Variants in SSBP3 observed in about 807,000 individuals in gnomAD.
SSBP3 encodes the protein single-stranded DNA-binding protein 3.
A neutral mutation model predicts 69.6 loss-of-function variants in SSBP3; 5 were observed. That is an observed-to-expected ratio of 0.07 (90% CI 0.04 to 0.15). The LOEUF is 0.15. Ranked by LOEUF, SSBP3 falls within the 10% of genes least tolerant of loss-of-function variation. The pLI, the probability that SSBP3 is intolerant of heterozygous loss-of-function variation, is 1.00. For synonymous variants in SSBP3, 196 were observed against 193.4 expected, an observed-to-expected ratio of 1.01 and a Z score of -0.11; for missense variants, 312 against 534.0, an observed-to-expected ratio of 0.58 and a Z score of 4.10.
chr1:54,262,399 G>A (rs762678053), intron 5 of SSBP3, among the ~76,000 whole-genome samples: 1 of 152,218 alleles, frequency 6.6e-6, no homozygotes, highest in Admixed American at 6.5e-5. Flanking sequence ...CAGCACCTCC[G>A]TGTCATCTGT....
At chr1:54,369,220 G>GGA (rs1553146711) in intron 4 of SSBP3, among the ~76,000 whole-genome samples, 1 of 149,452 alleles carries the variant, frequency 6.7e-6, no homozygotes, top group South Asian at 2.1e-4. Context: ...TCTTGAGTCG[G>GGA]GGGGGGGGCC....
Position 54,288,793 on chromosome 1 carries a change from C to T in SSBP3, c.277-7266G>A, listed in dbSNP as rs183417785. Among the ~76,000 whole-genome samples the T allele has an allele frequency of 3.6e-4, 54 of 151,924 alleles. No individual in the cohort carries two copies. The South Asian group carries it at 4.2e-3, about 12-fold the overall frequency. ...GTCCACTCTGGGAGGCCAAGGTGGG[C>T]GGATCACAAGGTCAGGAGATCGAGA... On this transcript the variant is annotated intron_variant, in intron 4 of 17. Transcript: ENST00000610401.
chr1:54,386,112 G>A (rs1648060762), intron 4 of SSBP3, among the ~76,000 whole-genome samples: 1 of 152,208 alleles, frequency 6.6e-6, no homozygotes, highest in African/African-American at 2.4e-5. Context: ...TTAACATGCA[G>A]TGTGGGGTTC....
At chr1:54,350,269 A>G (rs1646759965) in intron 4 of SSBP3, among the ~76,000 whole-genome samples, 1 of 152,220 alleles carries the variant, frequency 6.6e-6, no homozygotes, top group Non-Finnish European at 1.5e-5. Flanking sequence ...AAATAATAAT[A>G]GTGCCTCCCA....
At chr1:54,404,710 G>C (rs566712581) in intron 2 of SSBP3, 73 bp from the exon 3 acceptor site, 1 of 1,562,244 alleles carries the variant, frequency 6.4e-7, no homozygotes, top group South Asian at 1.1e-5. Flanking sequence ...AGAGCCAAAA[G>C]GCTAGGAAGA....
intron 4 of SSBP3, among the ~76,000 whole-genome samples, chr1:54,332,519 T>C (rs551402252): frequency 1.3e-4 from 20 of 152,294 alleles, no homozygotes; most frequent in Admixed American, 5.2e-4. Flanking sequence ...GAAGAGATCA[T>C]CTTTCCAAAC....
chr1:54,333,434 C>T (rs113726809), intron 4 of SSBP3, among the ~76,000 whole-genome samples: 11,399 of 152,184 alleles, frequency 0.075, 528 homozygotes, highest in Admixed American at 0.14. Flanking sequence ...TTCTCACCAC[C>T]CCAACCCACC....
chr1:54,292,149 C>G (rs997481970), intron 4 of SSBP3, among the ~76,000 whole-genome samples: 6 of 152,236 alleles, frequency 3.9e-5, no homozygotes, highest in Admixed American at 3.9e-4. Context: ...TAGGCCCTCC[C>G]TCTTTCTCCC....
intron 4 of SSBP3, among the ~76,000 whole-genome samples, chr1:54,380,742 C>T (rs1647563544): frequency 6.6e-6 from 1 of 152,134 alleles, no homozygotes; most frequent in African/African-American, 2.4e-5. Context: ...GCCCCACCCC[C>T]AACCATGGGG....
At chr1:54,252,207 T>C (rs1234425791) in intron 7 of SSBP3, among the ~76,000 whole-genome samples, 1 of 152,188 alleles carries the variant, frequency 6.6e-6, no homozygotes, top group Non-Finnish European at 1.5e-5. Flanking sequence ...ACCAACCACC[T>C]TCCTCTCAGA....
At chr1:54,264,332 C>G (rs1645066041) in intron 5 of SSBP3, among the ~76,000 whole-genome samples, 1 of 152,140 alleles carries the variant, frequency 6.6e-6, no homozygotes, top group Admixed American at 6.5e-5. Flanking sequence ...AAACCAAGAA[C>G]AAAATAAACC....
At chr1:54,238,829 C>T in intron 14 of SSBP3, 2 of 417,550 alleles carry the variant, frequency 4.8e-6, no homozygotes, top group Non-Finnish European at 4.6e-6. Flanking sequence ...CCAGACCCCA[C>T]CTACAGCATG....
chr1:54,250,653 G>T (rs917986010), intron 9 of SSBP3, among the ~76,000 whole-genome samples: 2 of 152,178 alleles, frequency 1.3e-5, no homozygotes, highest in Admixed American at 6.5e-5. Context: ...ACTCCAGGCA[G>T]AACAGAAAAG....
At chr1:54,237,928 C>G (rs371798674) in intron 14 of SSBP3, 1 of 359,304 alleles carries the variant, frequency 2.8e-6, no homozygotes. Flanking sequence ...AGTGACCACT[C>G]GAGGCAGATC....
chr1:54,404,870 G>A (rs764501023), exon 2 of SSBP3: 7 of 1,610,666 alleles, frequency 4.3e-6, no homozygotes, highest in East Asian at 2.2e-5. Flanking sequence ...CCGATAAGAA[G>A]GTCTGTGCAG....
chr1:54,379,665 C>T lies in SSBP3; in HGVS notation c.276+22196G>A, dbSNP rs1038201390. 5.9e-5 allele frequency among the ~76,000 whole-genome samples: 9 copies of T among 152,166 alleles called. 1 individual carries two copies. The highest frequency in any genetic ancestry group is 5.2e-4 in the Admixed American group (8 of 15,274). ...CAGGAGGCTGGCTGGCTGTCACCAT[C>T]GGCAGGGACAGTAGGAGAAAGCCAA... is the stretch of plus-strand genomic sequence containing the variant. On this transcript the variant is annotated intron_variant, in intron 4 of 17. Transcript: ENST00000610401.
chr1:54,402,505 C>A (rs1649384415), intron 3 of SSBP3, among the ~76,000 whole-genome samples: 1 of 152,146 alleles, frequency 6.6e-6, no homozygotes, highest in South Asian at 2.1e-4. Context: ...CCCGCACCTC[C>A]ACCCTTCCCA....
At chr1:54,257,578 C>T (rs562199749) in intron 6 of SSBP3, among the ~76,000 whole-genome samples, 5 of 152,092 alleles carry the variant, frequency 3.3e-5, no homozygotes, top group South Asian at 2.1e-4. Flanking sequence ...GCTGGACACA[C>T]GAGCACGCAC....
chr1:54,334,455 G>A (rs1029021828), intron 4 of SSBP3, among the ~76,000 whole-genome samples: 9 of 152,178 alleles, frequency 5.9e-5, no homozygotes, highest in Admixed American at 3.9e-4. Context: ...TTCCTTCAGT[G>A]TTTCTCCATT....
Sources: allele counts gnomAD v4.1 joint callset (sites outside exome capture counted in the v4.1 genomes callset), GRCh38; gene constraint gnomAD v4.1.1; transcripts MANE v1.5; gene names NCBI Gene and HGNC (gene_info 2026-07-23, HGNC 2026-07-21).